Variants in FBXL7 observed in about 807,000 individuals in gnomAD.
FBXL7 encodes F-box and leucine rich repeat protein 7.
Under a neutral mutation model 38.3 loss-of-function variants are expected in FBXL7, and 12 were observed. That is an observed-to-expected ratio of 0.31 (90% confidence interval 0.20 to 0.51). The LOEUF is 0.51. FBXL7 is among the 20% of genes least tolerant of loss of function. The probability of loss-of-function intolerance (pLI) is 0.98; values close to 1 mark genes in which losing one functional copy is unlikely to be tolerated. For missense variants in FBXL7, 567 were observed against 676.4 expected (o/e 0.84, Z 1.79); for synonymous variants, 297 against 300.9 (o/e 0.99, Z 0.13).
At chr5:15,665,275 A>G (rs1412142449) in intron 2 of FBXL7, among the ~76,000 whole-genome samples, 1 of 152,186 alleles carries the variant, frequency 6.6e-6, no homozygotes, top group Non-Finnish European at 1.5e-5. Flanking sequence ...AAGCTTACTA[A>G]TGAGTGAAAC....
chr5:15,588,540 C>T (rs543459137), intron 1 of FBXL7, among the ~76,000 whole-genome samples: 63 of 152,144 alleles, frequency 4.1e-4, no homozygotes, highest in African/African-American at 1.4e-3. Flanking sequence ...GCTCCCACCA[C>T]CACGTCTGGC....
At chr5:15,567,615 C>T (rs576205692) in intron 1 of FBXL7, among the ~76,000 whole-genome samples, 2 of 151,532 alleles carry the variant, frequency 1.3e-5, no homozygotes, top group East Asian at 3.9e-4. Flanking sequence ...TTTTATTATA[C>T]TTTAAGTTTT....
intron 2 of FBXL7, among the ~76,000 whole-genome samples, chr5:15,753,667 T>G (rs1469471932): frequency 6.6e-6 from 1 of 152,214 alleles, no homozygotes; most frequent in Non-Finnish European, 1.5e-5. Flanking sequence ...AAAATATTAT[T>G]CAGACATAGT....
intron 2 of FBXL7, among the ~76,000 whole-genome samples, chr5:15,915,889 A>G (rs1741571392): frequency 6.6e-6 from 1 of 152,110 alleles, no homozygotes; most frequent in Non-Finnish European, 1.5e-5. Context: ...AGAGAAGGGA[A>G]ACAGACGTGA....
intron 2 of FBXL7, among the ~76,000 whole-genome samples, chr5:15,802,798 C>T (rs559085964): frequency 3.6e-4 from 54 of 152,044 alleles, no homozygotes; most frequent in Non-Finnish European, 5.6e-4. Context: ...GGATTACAGG[C>T]GTGCACCACC....
chr5:15,627,399 G>A (rs1297317327), intron 2 of FBXL7, among the ~76,000 whole-genome samples: 1 of 152,172 alleles, frequency 6.6e-6, no homozygotes, highest in Non-Finnish European at 1.5e-5. Context: ...AAGGAAGATA[G>A]CATGATGTGT....
At chr5:15,748,263 G>C (rs1256425764) in intron 2 of FBXL7, among the ~76,000 whole-genome samples, 2 of 152,232 alleles carry the variant, frequency 1.3e-5, no homozygotes, top group Admixed American at 6.5e-5. Context: ...TGCCAAAAGT[G>C]CCAGAGTTAA....
intron 3 of FBXL7, among the ~76,000 whole-genome samples, chr5:15,929,048 G>A (rs1180251059): frequency 6.6e-6 from 1 of 152,110 alleles, no homozygotes; most frequent in Non-Finnish European, 1.5e-5. Flanking sequence ...CTATCCTCGC[G>A]CCCACCTGCT....
intron 2 of FBXL7, among the ~76,000 whole-genome samples, chr5:15,771,715 C>T (rs1049086606): frequency 1.3e-5 from 2 of 151,764 alleles, no homozygotes; most frequent in Non-Finnish European, 1.5e-5. Context: ...ACCAGACCTT[C>T]CCTGGTTCCA....
chr5:15,811,387 T>A (rs1380884476), intron 2 of FBXL7, among the ~76,000 whole-genome samples: 2 of 152,160 alleles, frequency 1.3e-5, no homozygotes, highest in Admixed American at 6.6e-5. Flanking sequence ...GAAATGGTCC[T>A]CTTCTCCCAG....
chr5:15,929,610 T>A (rs1741984966), intron 3 of FBXL7, among the ~76,000 whole-genome samples: 2 of 132,390 alleles, frequency 1.5e-5, no homozygotes, highest in Non-Finnish European at 3.1e-5. Context: ...GAGGACAGAG[T>A]GAGACCCTGT....
chr5:15,923,799 C>T (rs944008557), intron 2 of FBXL7, among the ~76,000 whole-genome samples: 1 of 152,226 alleles, frequency 6.6e-6, no homozygotes, highest in Non-Finnish European at 1.5e-5. Context: ...CTTTCCTAAG[C>T]GCTTGGAGTA....
intron 2 of FBXL7, among the ~76,000 whole-genome samples, chr5:15,744,093 G>A (rs904462942): frequency 1.3e-5 from 2 of 152,220 alleles, no homozygotes; most frequent in African/African-American, 2.4e-5. Flanking sequence ...CCTCTGACAT[G>A]TCCTGGAGAC....
chr5:15,673,766 A>AATT (rs1188957698), intron 2 of FBXL7, among the ~76,000 whole-genome samples: 1 of 151,704 alleles, frequency 6.6e-6, no homozygotes, highest in Admixed American at 6.6e-5. Context: ...CTTGGCTCTT[A>AATT]ATTATTATTA....
At chr5:15,627,791 G>A (rs768873588) in intron 2 of FBXL7, among the ~76,000 whole-genome samples, 3 of 152,126 alleles carry the variant, frequency 2.0e-5, no homozygotes, top group Admixed American at 6.6e-5. Flanking sequence ...TTACAGTCAC[G>A]GACACAGTTT....
At chr5:15,760,142 TG>T (rs1736399615) in intron 2 of FBXL7, among the ~76,000 whole-genome samples, 1 of 152,106 alleles carries the variant, frequency 6.6e-6, no homozygotes, top group African/African-American at 2.4e-5. Context: ...GAGGCATTGC[TG>T]GGAGAAGCCT....
chr5:15,869,574 C>G (rs927513354), intron 2 of FBXL7, among the ~76,000 whole-genome samples: 6 of 152,124 alleles, frequency 3.9e-5, no homozygotes, highest in African/African-American at 1.4e-4. Context: ...CCAAATCCTT[C>G]TCTAAATAGC....
intron 1 of FBXL7, chr5:15,580,944 C>G (rs1446103599): frequency 2.7e-6 from 1 of 365,132 alleles, no homozygotes; most frequent in African/African-American, 2.2e-5. Context: ...GCAGAGGCCT[C>G]TCTCTAGATC....
intron 2 of FBXL7, among the ~76,000 whole-genome samples, chr5:15,888,561 C>T (rs1297693967): frequency 6.6e-6 from 1 of 152,092 alleles, no homozygotes; most frequent in Admixed American, 6.6e-5. Flanking sequence ...CCAGAAGCCA[C>T]CGAGCTTTTT....
Sources: gnomAD v4.1 joint callset for allele counts (sites outside exome capture counted in the v4.1 genomes callset) on GRCh38, gnomAD v4.1.1 for gene constraint, MANE v1.5 for transcripts, NCBI Gene and HGNC (gene_info 2026-07-23, HGNC 2026-07-21) for gene names.